Variants in ARHGAP10 observed in about 807,000 individuals in gnomAD.
ARHGAP10 encodes rho GTPase-activating protein 10.
In ARHGAP10, 87 loss-of-function variants were observed where a neutral mutation model predicts 108.6. That is an observed-to-expected ratio of 0.80 (90% CI 0.67 to 0.96). The LOEUF (loss-of-function observed/expected upper bound fraction) is 0.96. ARHGAP10 is among the 40% of genes least tolerant of loss of function. ARHGAP10 has a pLI of 0.00. For missense variants in ARHGAP10, 939 were observed against 954.5 expected (o/e 0.98, Z 0.21); for synonymous variants, 347 against 341.1 (o/e 1.02, Z -0.19).
intron 1 of ARHGAP10, among the ~76,000 whole-genome samples, chr4:147,779,782 G>T (rs1053486115): frequency 1.3e-5 from 2 of 152,144 alleles, no homozygotes; most frequent in African/African-American, 4.8e-5. Flanking sequence ...CATGCCTTTT[G>T]TTTTGTCTGT....
At chr4:147,922,691 A>C (rs1737300254) in intron 13 of ARHGAP10, among the ~76,000 whole-genome samples, 1 of 150,792 alleles carries the variant, frequency 6.6e-6, no homozygotes, top group African/African-American at 2.4e-5. Flanking sequence ...CCGTCTCAAA[A>C]AAAAAAAAAA....
chr4:147,985,794 C>T (rs558003699), intron 18 of ARHGAP10, among the ~76,000 whole-genome samples: 21 of 152,302 alleles, frequency 1.4e-4, no homozygotes, highest in African/African-American at 4.1e-4. Flanking sequence ...AAGCTTTTCC[C>T]CAAGTTAGCT....
At chr4:147,818,456 C>T (rs1379339581) in intron 1 of ARHGAP10, among the ~76,000 whole-genome samples, 1 of 150,878 alleles carries the variant, frequency 6.6e-6, no homozygotes, top group Non-Finnish European at 1.5e-5. Flanking sequence ...ATTCCAGCCA[C>T]TTGGGAGGCT....
rs139127657 is a variant in ARHGAP10, at chr4:148,003,893, T to TAA, written c.1717-19370_1717-19369insAA. Among the ~76,000 whole-genome samples, 5 of 121,964 alleles carry TAA rather than the reference T, an allele frequency of 4.1e-5. 1 individual carries two copies. The highest frequency in any genetic ancestry group is 2.7e-4 in the South Asian group (1 of 3,768). The allele number at this position is 121,964 out of a possible 152,430, so 80.0% of individuals were successfully genotyped here. A position where few individuals can be genotyped will look rare whatever the true frequency, so the allele number is the denominator to read the frequency against. On this transcript the variant is annotated intron_variant, in intron 18 of 22. Coordinates refer to ENST00000336498, the MANE Select transcript of ARHGAP10 (RefSeq NM_024605.4). ...TGCCCAACAGTGTCTTTTATCTGAG[T>TAA]GTAAGCCTAAATCAGCAAGTGAAGA...
Position 147,912,645 on chromosome 4 carries a change from C to CTTTT in ARHGAP10, c.1163-407_1163-404dup, listed in dbSNP as rs70958594. ...TAAATAGGAAATACATAGCCTTAAG[C>CTTTT]TTTTTTTTTTTTTTTTTTTTTTTTT... On this transcript the variant is annotated intron_variant, in intron 12 of 22. Transcript: ENST00000336498. 1.4e-3 allele frequency among the ~76,000 whole-genome samples: 50 copies of CTTTT among 35,314 alleles called. 13 individuals carry two copies. Among genetic ancestry groups the CTTTT allele is most frequent in the Admixed American group, 2.3e-3 (4 of 1,764 alleles). The allele number at this position is 35,314 out of a possible 152,430, so 23.2% of individuals were successfully genotyped here. A position where few individuals can be genotyped will look rare whatever the true frequency, so the allele number is the denominator to read the frequency against.
rs1286752371 is a variant in ARHGAP10, at chr4:148,025,745, TTTAAAGTAGC to T, written c.1867+2335_1867+2344del. Among the ~76,000 whole-genome samples the T allele has an allele frequency of 1.3e-4, 20 of 152,324 alleles. 1 individual carries two copies. The highest frequency in any genetic ancestry group is 7.7e-4 in the East Asian group (4 of 5,188). ...TTCTTGTCATTACGACTTAATTTTT[TTTAAAGTAGC>T]TTGAATCATATAATTGTCAAAACGA... On this transcript the variant is annotated intron_variant, in intron 19 of 22. Transcript: ENST00000336498.
intron 18 of ARHGAP10, among the ~76,000 whole-genome samples, chr4:147,968,320 A>AC (rs1739280552): frequency 6.6e-6 from 1 of 152,236 alleles, no homozygotes; most frequent in Non-Finnish European, 1.5e-5. Context: ...ACTCATAGTT[A>AC]AAAGTGTACC....
At chr4:147,860,407 ACT>A (rs1734266133) in intron 5 of ARHGAP10, among the ~76,000 whole-genome samples, 2 of 152,140 alleles carry the variant, frequency 1.3e-5, no homozygotes, top group South Asian at 4.1e-4. Flanking sequence ...GGGCCACTGC[ACT>A]CCAGCCTGGG....
At chr4:147,733,455 G>T (rs189942485) in intron 1 of ARHGAP10, among the ~76,000 whole-genome samples, 2 of 152,198 alleles carry the variant, frequency 1.3e-5, no homozygotes, top group East Asian at 3.9e-4. Flanking sequence ...CAGCAGACAG[G>T]GACTTGGGCA....
chr4:147,961,388 GTC>G (rs1299510768), intron 16 of ARHGAP10, among the ~76,000 whole-genome samples: 3 of 152,068 alleles, frequency 2.0e-5, no homozygotes. Context: ...CTGTTGGATT[GTC>G]TCTTTTTTCC....
chr4:147,875,301 GT>G, intron 8 of ARHGAP10, 151 bp downstream of exon 8: 2 of 935,742 alleles, frequency 2.1e-6, no homozygotes, highest in Non-Finnish European at 2.9e-6. Flanking sequence ...TATATTTCAT[GT>G]TTAGGAGAAA....
intron 1 of ARHGAP10, among the ~76,000 whole-genome samples, chr4:147,791,708 C>A (rs983980305): frequency 6.6e-6 from 1 of 152,082 alleles, no homozygotes; most frequent in African/African-American, 2.4e-5. Flanking sequence ...CCTCAGCCTC[C>A]CGAGTAGCTG....
At chr4:147,842,961 T>C (rs1733475740) in intron 3 of ARHGAP10, among the ~76,000 whole-genome samples, 1 of 152,248 alleles carries the variant, frequency 6.6e-6, no homozygotes, top group Non-Finnish European at 1.5e-5. Flanking sequence ...TTGTAATGAT[T>C]CTTTCATTCA....
At chr4:148,021,897 T>A (rs563352620) in intron 18 of ARHGAP10, among the ~76,000 whole-genome samples, 18 of 152,366 alleles carry the variant, frequency 1.2e-4, no homozygotes, top group Admixed American at 5.2e-4. Context: ...AATCATTTTT[T>A]AAAAATTTCA....
intron 1 of ARHGAP10, among the ~76,000 whole-genome samples, chr4:147,743,205 G>A (rs183406760): frequency 6.6e-6 from 1 of 150,866 alleles, no homozygotes; most frequent in African/African-American, 2.4e-5. Context: ...GGCTATTTTT[G>A]TGTATTTTTA....
chr4:147,806,103 A>T (rs17023844), intron 1 of ARHGAP10, among the ~76,000 whole-genome samples: 1 of 152,024 alleles, frequency 6.6e-6, no homozygotes. Flanking sequence ...TACCATGCAC[A>T]CATACTGACG....
rs568749179 is a variant in ARHGAP10 at position 147,926,043 on chromosome 4, G to T, written c.1228+12904G>T. ...GAGGGTAGATATTGGAACAGAGGGT[G>T]CTTCCACCATGCTGGGGTGGTGTTG... On this transcript the variant is annotated intron_variant, in intron 13 of 22. Transcript: ENST00000336498. Among the ~76,000 whole-genome samples, 8 of 152,308 alleles carry T rather than the reference G, an allele frequency of 5.3e-5. No homozygotes were observed. In the South Asian group the frequency reaches 1.7e-3, roughly 32 times the overall value.
chr4:147,784,415 A>C (rs1055095232), intron 1 of ARHGAP10, among the ~76,000 whole-genome samples: 1 of 131,742 alleles, frequency 7.6e-6, no homozygotes, highest in Non-Finnish European at 1.5e-5. Context: ...ATAAAGTTAT[A>C]TATAATTTTT....
At chr4:147,739,174 G>A (rs1354201224) in intron 1 of ARHGAP10, among the ~76,000 whole-genome samples, 1 of 140,444 alleles carries the variant, frequency 7.1e-6, no homozygotes, top group Non-Finnish European at 1.5e-5. Flanking sequence ...GCAACAGAGC[G>A]AGACTCTGTC....
Sources: gnomAD v4.1 joint callset for allele counts (sites outside exome capture counted in the v4.1 genomes callset) on GRCh38, gnomAD v4.1.1 for gene constraint, MANE v1.5 for transcripts, NCBI Gene and HGNC (gene_info 2026-07-23, HGNC 2026-07-21) for gene names.